KCND2: variants seen among roughly 807,000 people sequenced by gnomAD.
KCND2 encodes the protein potassium voltage-gated channel subfamily D member 2, also known as A-type voltage-gated potassium channel KCND2.
A neutral mutation model predicts 54.4 loss-of-function variants in KCND2; 16 were observed. The ratio of observed to expected loss-of-function variants is 0.29; its 90% CI spans 0.20 to 0.45. The LOEUF (loss-of-function observed/expected upper bound fraction) is 0.45, where lower values mean the gene tolerates loss of function less well. Among genes scored for constraint, KCND2 ranks in the 20% least tolerant of loss-of-function variants. KCND2 has a pLI of 1.00. For synonymous variants in KCND2, 317 were observed against 310.7 expected (o/e 1.02, Z -0.21); for missense variants, 486 against 824.2 (o/e 0.59, Z 5.02).
chr7:120,642,385 T>C (rs1584866391), intron 1 of KCND2, among the ~76,000 whole-genome samples: 3 of 135,194 alleles, frequency 2.2e-5, no homozygotes, highest in African/African-American at 2.7e-5. Flanking sequence ...ATGATGAAAC[T>C]CCTTCTCTAC....
At chr7:120,620,397 C>T (rs1793083402) in intron 1 of KCND2, among the ~76,000 whole-genome samples, 1 of 151,992 alleles carries the variant, frequency 6.6e-6, no homozygotes, top group Non-Finnish European at 1.5e-5. Context: ...AGTAGGAGTT[C>T]AGTTAATATA....
At chr7:120,695,112 G>T (rs985236699) in intron 1 of KCND2, among the ~76,000 whole-genome samples, 23 of 151,968 alleles carry the variant, frequency 1.5e-4, no homozygotes, top group African/African-American at 5.3e-4. Context: ...AGTACTCCAC[G>T]ATGCTAAATA....
intron 1 of KCND2, among the ~76,000 whole-genome samples, chr7:120,667,638 A>G (rs1308449059): frequency 6.6e-6 from 1 of 152,018 alleles, no homozygotes; most frequent in Non-Finnish European, 1.5e-5. Context: ...ACTGTCAAGC[A>G]AGAGACATAC....
intron 1 of KCND2, among the ~76,000 whole-genome samples, chr7:120,526,717 G>A (rs1791781153): frequency 6.6e-6 from 1 of 152,090 alleles, no homozygotes; most frequent in South Asian, 2.1e-4. Flanking sequence ...ATTCAATGTG[G>A]AAAAATGTTT....
At chr7:120,541,202 G>A (rs1171465557) in intron 1 of KCND2, among the ~76,000 whole-genome samples, 1 of 152,010 alleles carries the variant, frequency 6.6e-6, no homozygotes, top group Non-Finnish European at 1.5e-5. Flanking sequence ...TTTAAACCTA[G>A]ACACCAAATT....
intron 1 of KCND2, among the ~76,000 whole-genome samples, chr7:120,724,379 A>G (rs536175654): frequency 6.6e-6 from 1 of 152,248 alleles, no homozygotes; most frequent in Non-Finnish European, 1.5e-5. Flanking sequence ...AGCTTCATCA[A>G]TGGAAATTGG....
At chr7:120,479,796 CAAA>C (rs771337674) in intron 1 of KCND2, among the ~76,000 whole-genome samples, 4,712 of 75,498 alleles carry the variant, frequency 0.062, 401 homozygotes, top group East Asian at 0.47. Context: ...TACACACACA[CAAA>C]AAAAAAAAAA....
intron 1 of KCND2, among the ~76,000 whole-genome samples, chr7:120,508,015 A>G (rs372133027): frequency 3.3e-5 from 5 of 151,770 alleles, no homozygotes; most frequent in Admixed American, 6.6e-5. Context: ...TTAAGAGTCT[A>G]TATTGCCATT....
chr7:120,283,126 G>T (rs769414543), intron 1 of KCND2, among the ~76,000 whole-genome samples: 2 of 152,138 alleles, frequency 1.3e-5, no homozygotes, highest in Non-Finnish European at 2.9e-5. Flanking sequence ...CTATCTGGAT[G>T]AAGAGAATTA....
At chr7:120,401,573 G>A (rs1473381801) in intron 1 of KCND2, among the ~76,000 whole-genome samples, 3 of 152,088 alleles carry the variant, frequency 2.0e-5, no homozygotes, top group African/African-American at 7.2e-5. Flanking sequence ...GACCAGGTAT[G>A]GGAGCTGTGG....
chr7:120,290,495 T>C (rs1799418214), intron 1 of KCND2, among the ~76,000 whole-genome samples: 1 of 152,064 alleles, frequency 6.6e-6, no homozygotes, highest in Admixed American at 6.6e-5. Flanking sequence ...CTCTATGCTA[T>C]TGGCTCGTAG....
At chr7:120,381,491 C>G (rs936062901) in intron 1 of KCND2, among the ~76,000 whole-genome samples, 5 of 152,164 alleles carry the variant, frequency 3.3e-5, no homozygotes, top group Middle Eastern at 6.8e-3. Flanking sequence ...TTATTTCTGG[C>G]TACATTCTGC....
chr7:120,726,987 TATTTATCA>T (rs1353853044), intron 1 of KCND2, among the ~76,000 whole-genome samples: 1 of 152,242 alleles, frequency 6.6e-6, no homozygotes, highest in Non-Finnish European at 1.5e-5. Context: ...TCTTCATGAT[TATTTATCA>T]ATTACATGAC....
intron 1 of KCND2, among the ~76,000 whole-genome samples, chr7:120,730,448 A>C (rs1370321091): frequency 6.6e-6 from 1 of 152,196 alleles, no homozygotes; most frequent in Non-Finnish European, 1.5e-5. Context: ...TATCCCCAAG[A>C]CTTTTGAAAA....
At chr7:120,351,381 CA>C (rs1563018546) in intron 1 of KCND2, among the ~76,000 whole-genome samples, 3 of 146,006 alleles carry the variant, frequency 2.1e-5, no homozygotes, top group Non-Finnish European at 4.5e-5. Context: ...CACACACACA[CA>C]CACACACACA....
At chr7:120,645,136 T>C (rs1210900703) in intron 1 of KCND2, among the ~76,000 whole-genome samples, 10 of 152,212 alleles carry the variant, frequency 6.6e-5, no homozygotes, top group Non-Finnish European at 1.5e-4. Context: ...GTTTGAGTTC[T>C]CACAACTAAA....
intron 1 of KCND2, among the ~76,000 whole-genome samples, chr7:120,685,436 A>G (rs1792188412): frequency 6.6e-6 from 1 of 152,198 alleles, no homozygotes; most frequent in African/African-American, 2.4e-5. Flanking sequence ...CAATGGAAGC[A>G]GAGCACTGTG....
intron 1 of KCND2, among the ~76,000 whole-genome samples, chr7:120,400,959 T>TA (rs36005791): frequency 0.12 from 17,631 of 145,504 alleles, 1,069 homozygotes; most frequent in African/African-American, 0.16. Flanking sequence ...CATGTACTAT[T>TA]AAAAAAAAAA....
chr7:120,368,448 T>TA (rs1441891422), intron 1 of KCND2, among the ~76,000 whole-genome samples: 1 of 152,126 alleles, frequency 6.6e-6, no homozygotes, highest in Non-Finnish European at 1.5e-5. Flanking sequence ...GTATAAATTT[T>TA]AAAAATCGAT....
Sources: allele counts gnomAD v4.1 joint callset (sites outside exome capture counted in the v4.1 genomes callset), GRCh38; gene constraint gnomAD v4.1.1; transcripts MANE v1.5; gene names NCBI Gene and HGNC (gene_info 2026-07-23, HGNC 2026-07-21).